The following COL9A1 variants were observed in gnomAD, a reference collection of about 807,000 sequenced individuals.
COL9A1 encodes collagen type IX alpha 1 chain.
A neutral mutation model predicts 142.6 loss-of-function variants in COL9A1; 104 were observed. The observed-to-expected ratio is 0.73, with a 90% CI of 0.62 to 0.86. The LOEUF is 0.86. Ranked by LOEUF, COL9A1 falls within the 40% of genes least tolerant of loss-of-function variation. COL9A1 has a pLI of 0.00. For synonymous variants in COL9A1, 466 were observed against 396.0 expected (o/e 1.18, Z -2.10); for missense variants, 1,210 against 1,176.6 (o/e 1.03, Z -0.42).
Position 70,300,312 on chromosome 6 carries a change from G to C in COL9A1, c.163C>G (p.Pro55Ala). Reference protein sequence around the residue: ...PKIRIGQDDLPGFDLISQFQV... With the variant: ...PKIRIGQDDLAGFDLISQFQV... Reference sequence around the variant, plus strand: ...AATAGGGTACATTGCTACTCACCTGGTAAGTCATCTTGGCCAATCCTGATC... The same window carrying C: ...AATAGGGTACATTGCTACTCACCTGCTAAGTCATCTTGGCCAATCCTGATC... Residue 55 changes from proline (P) to alanine (A), a missense_variant, in exon 3 of 38, where the codon CCA becomes GCA. Physicochemically the swap from Pro to Ala is conservative, Grantham distance 27. Transcript: ENST00000357250. The C allele has an allele frequency of 1.2e-6, 2 of 1,612,996 alleles. No homozygotes were observed. The highest frequency in any genetic ancestry group is 2.2e-5 in the South Asian group (2 of 91,050).
chr6:70,245,146 CA>C, intron 28 of COL9A1, among the ~76,000 whole-genome samples: 1 of 152,268 alleles, frequency 6.6e-6, no homozygotes, highest in South Asian at 2.1e-4. Context: ...CAAGAGTGAC[CA>C]AACAGTTACA....
Position 70,281,004 on chromosome 6 carries a change from CG to C in COL9A1, c.911del (p.Pro304ArgfsTer24). On this transcript the variant is annotated frameshift_variant and splice_region_variant, in exon 9 of 38. Transcript: ENST00000357250. LOFTEE classifies it high-confidence loss of function. ...GCGCCATATGCTCCAATCAACTTAC[CG>C]GGGGGCCCGGGGGGCCCTTAGGACC... ...DRGPKGPPGP[P>X]GPAGEPGKPG... 2 of 1,612,956 alleles carry C rather than the reference CG, an allele frequency of 1.2e-6. No homozygotes were observed. Among genetic ancestry groups the C allele is most frequent in the Non-Finnish European group, 1.7e-6 (2 of 1,179,584 alleles).
At chr6:70,285,877 T>TTTTC (rs906506586) in intron 5 of COL9A1, among the ~76,000 whole-genome samples, 9 of 152,274 alleles carry the variant, frequency 5.9e-5, no homozygotes, top group South Asian at 2.1e-4. Context: ...AATTATTTTC[T>TTTTC]TTTCTTTCTT....
intron 28 of COL9A1, among the ~76,000 whole-genome samples, chr6:70,248,309 C>T (rs1354297288): frequency 6.6e-6 from 1 of 152,044 alleles, no homozygotes; most frequent in East Asian, 1.9e-4. Flanking sequence ...TCTGGAGGCA[C>T]CAAAATGAAC....
intron 28 of COL9A1, among the ~76,000 whole-genome samples, chr6:70,249,086 A>T (rs927469517): frequency 6.6e-6 from 1 of 151,876 alleles, no homozygotes; most frequent in Non-Finnish European, 1.5e-5. Context: ...TGAACACAAG[A>T]TCTGAGTAAA....
chr6:70,295,170 CT>C (rs1357039853), intron 4 of COL9A1, among the ~76,000 whole-genome samples: 1 of 148,596 alleles, frequency 6.7e-6, no homozygotes, highest in African/African-American at 2.5e-5. Context: ...GGATGTTTGT[CT>C]TTTTTTAGGG....
intron 37 of COL9A1, chr6:70,222,987 G>A (rs1245126758): frequency 6.6e-6 from 1 of 152,050 alleles, no homozygotes; most frequent in East Asian, 1.9e-4. Flanking sequence ...GCTCTACCAA[G>A]AAATAAAAAG....
intron 35 of COL9A1, among the ~76,000 whole-genome samples, chr6:70,234,284 G>A (rs1769746863): frequency 8.9e-6 from 1 of 112,822 alleles, no homozygotes; most frequent in Non-Finnish European, 2.3e-5. Context: ...TAGCCCCCAT[G>A]GCAAAAAAAC....
intron 4 of COL9A1, among the ~76,000 whole-genome samples, chr6:70,299,543 C>T (rs1400167527): frequency 2.6e-5 from 4 of 152,114 alleles, no homozygotes; most frequent in African/African-American, 4.8e-5. Flanking sequence ...GATTTGATGT[C>T]GTTAGTATTA....
At chr6:70,251,129 A>G (rs1041748142) in intron 28 of COL9A1, among the ~76,000 whole-genome samples, 1 of 152,272 alleles carries the variant, frequency 6.6e-6, no homozygotes, top group African/African-American at 2.4e-5. Context: ...ATATAGCCAC[A>G]TAATTAATCC....
chr6:70,294,400 A>G lies in COL9A1; in HGVS notation c.463T>C (p.Phe155Leu). The G allele has an allele frequency of 6.2e-7, 1 of 1,614,136 alleles. No individual in the cohort carries two copies. The highest frequency in any genetic ancestry group is 8.5e-7 in the Non-Finnish European group (1 of 1,179,994). The change falls in exon 5 of 38, where the codon TTT becomes CTT. Residue 155 changes from phenylalanine to leucine, a missense_variant. Coordinates refer to ENST00000357250, the MANE Select transcript of COL9A1 (RefSeq NM_001851.6). ...CTTCCATCCAGTCCCTTGTATGAAAATACAACAGATTGTGTTTGGCCATTA... is the reference window on the plus strand; with the variant it reads ...CTTCCATCCAGTCCCTTGTATGAAAGTACAACAGATTGTGTTTGGCCATTA... ...KINGQTQSVV[F>L]SYKGLDGSLQ...
chr6:70,243,227 T>C (rs1413794060), intron 28 of COL9A1, among the ~76,000 whole-genome samples: 3 of 152,228 alleles, frequency 2.0e-5, no homozygotes, highest in Non-Finnish European at 4.4e-5. Context: ...AAGACACAGA[T>C]GGTAAAAATT....
At chr6:70,236,234 A>C (rs1436876776) in intron 33 of COL9A1, among the ~76,000 whole-genome samples, 1 of 152,004 alleles carries the variant, frequency 6.6e-6, no homozygotes, top group Non-Finnish European at 1.5e-5. Context: ...GTGTTTCCTT[A>C]GCATAAAAGC....
In COL9A1 at chr6:70,260,798, A is replaced by G. The variant is rs12210870; in HGVS notation, c.1396-88T>C. The G allele has an allele frequency of 0.16, 200,853 of 1,220,046 alleles. 17,912 individuals are homozygous for G. Among genetic ancestry groups the G allele is most frequent in the Middle Eastern group, 0.19 (984 of 5,258 alleles). 75.6% of individuals were successfully genotyped at this position (1,220,046 alleles called of 1,614,324 possible). ...TCACAAAAGCTGATCTAGACAATGG[A>G]TATTATCATAACCAAAGGTAATACC... is the stretch of plus-strand genomic sequence containing the variant. On this transcript the variant is annotated intron_variant, in intron 19 of 37. Transcript: ENST00000357250.
chr6:70,244,263 A>C (rs1770449572), intron 28 of COL9A1, among the ~76,000 whole-genome samples: 1 of 152,208 alleles, frequency 6.6e-6, no homozygotes, highest in Admixed American at 6.5e-5. Context: ...GGGATGATGC[A>C]TTGGTCCTTA....
intron 28 of COL9A1, among the ~76,000 whole-genome samples, chr6:70,248,912 T>G (rs1003815132): frequency 6.6e-6 from 1 of 152,280 alleles, no homozygotes; most frequent in Non-Finnish European, 1.5e-5. Context: ...CAGGGCATAA[T>G]TGAAATGTTT....
chr6:70,216,654 CTTTT>C lies in COL9A1; in HGVS notation c.*239_*242del. ...TTATTCAAGGGAGGTGTTTGGTTTT[CTTTT>C]TTTTTTTTTAACTGATGACTCTGCT... On this transcript the variant is annotated 3_prime_UTR_variant, in exon 38 of 38. Coordinates refer to ENST00000357250, the MANE Select transcript of COL9A1 (RefSeq NM_001851.6). 1 of 482,446 alleles carries C rather than the reference CTTTT, an allele frequency of 2.1e-6. No individual in the cohort carries two copies. The highest frequency in any genetic ancestry group is 3.7e-6 in the Non-Finnish European group (1 of 268,468). The allele number at this position is 482,446 out of a possible 1,614,324, so 29.9% of individuals were successfully genotyped here.
rs1275551736 is a variant in COL9A1, at chr6:70,253,369, T to C, written c.1764+16A>G. The C allele has an allele frequency of 3.2e-6, 5 of 1,549,192 alleles. No individual in the cohort carries two copies. In the East Asian group the frequency reaches 9.0e-5, roughly 28 times the overall value. ...AAATTAAGAAAGATATTAACTTAAA[T>C]TTTAAAATATTTTACCTTTTCACCA... On this transcript the variant is annotated intron_variant, in intron 26 of 37. Transcript: ENST00000357250.
In COL9A1 at chr6:70,254,498, T is replaced by C. The variant is rs768347488; in HGVS notation, c.1697A>G (p.Asp566Gly). ...TACTGGTAACCCCTGCAATCCTGCA[T>C]CACCAGGAGGCCCAGGTTTTCCTGG... is the stretch of plus-strand genomic sequence containing the variant. ...GEPGKPGPPG[D>G]AGLQGLPGVP... Residue 566 changes from aspartate (D) to glycine (G), a missense_variant, in exon 25 of 38, where the codon GAT becomes GGT. By Grantham distance (94) the Asp-to-Gly change is moderately conservative. Coordinates refer to ENST00000357250, the MANE Select transcript of COL9A1 (RefSeq NM_001851.6). The C allele has an allele frequency of 1.2e-6, 2 of 1,614,150 alleles. No homozygotes were observed. Among genetic ancestry groups the C allele is most frequent in the South Asian group, 2.2e-5 (2 of 91,076 alleles).
Sources: gnomAD v4.1 joint callset for allele counts (sites outside exome capture counted in the v4.1 genomes callset) on GRCh38, gnomAD v4.1.1 for gene constraint, MANE v1.5 for transcripts, NCBI Gene and HGNC (gene_info 2026-07-23, HGNC 2026-07-21) for gene names.